ERG: variants seen among roughly 807,000 people sequenced by gnomAD.
The protein encoded by ERG is ETS transcription factor ERG.
ERG carries 9 observed loss-of-function variants against 55.3 expected under a neutral mutation model. That is an observed-to-expected ratio of 0.16 (90% CI 0.10 to 0.28). ERG has a LOEUF of 0.28. Among genes scored for constraint, ERG ranks in the 10% least tolerant of loss-of-function variants. ERG has a pLI of 1.00. For synonymous variants in ERG, 223 were observed against 237.3 expected (o/e 0.94, Z 0.55); for missense variants, 434 against 631.6 (o/e 0.69, Z 3.35).
At chr21:38,444,233 G>C (rs1168337737) in intron 2 of ERG, among the ~76,000 whole-genome samples, 1 of 152,204 alleles carries the variant, frequency 6.6e-6, no homozygotes, top group Non-Finnish European at 1.5e-5. Flanking sequence ...AAAATGCTCA[G>C]GGTGTGGAGT....
intron 3 of ERG, among the ~76,000 whole-genome samples, chr21:38,405,199 CATTT>C (rs1206021639): frequency 6.6e-6 from 1 of 152,086 alleles, no homozygotes; most frequent in Non-Finnish European, 1.5e-5. Context: ...ATATTTTTAC[CATTT>C]AAACTACATA....
intron 2 of ERG, among the ~76,000 whole-genome samples, chr21:38,526,709 G>A (rs1686867926): frequency 6.6e-6 from 1 of 152,064 alleles, no homozygotes; most frequent in Admixed American, 6.6e-5. Context: ...GGGTCAGGAA[G>A]GTTTTAATTT....
Position 38,381,996 on chromosome 21 carries a change from A to T in ERG, c.*1407T>A, listed in dbSNP as rs1278516614. 9.4e-7 allele frequency: 1 copy of T among 1,060,034 alleles called. No individual in the cohort carries two copies. Among genetic ancestry groups the T allele is most frequent in the Non-Finnish European group, 1.1e-6 (1 of 875,692 alleles). The allele number at this position is 1,060,034 out of a possible 1,614,324, so 65.7% of individuals were successfully genotyped here. ...TTTTCATTAAGCAACTTTAGTCACT[A>T]AAAAAAGTGCAAATGCAGACTCCTG... On this transcript the variant is annotated 3_prime_UTR_variant, in exon 10 of 10. Coordinates refer to ENST00000288319, the MANE Select transcript of ERG (RefSeq NM_182918.4).
intron 1 of ERG, among the ~76,000 whole-genome samples, chr21:38,485,324 C>T (rs1053238863): frequency 2.6e-5 from 4 of 151,784 alleles, no homozygotes; most frequent in Admixed American, 6.6e-5. Flanking sequence ...AACTGAACCA[C>T]ATATTTGTGT....
intron 1 of ERG, among the ~76,000 whole-genome samples, chr21:38,632,994 G>C (rs1017719528): frequency 1.3e-5 from 2 of 152,120 alleles, no homozygotes; most frequent in Non-Finnish European, 2.9e-5. Context: ...GTCCATGGAT[G>C]GATGAATAAA....
intron 6 of ERG, among the ~76,000 whole-genome samples, chr21:38,394,554 C>T (rs1235579955): frequency 6.6e-6 from 1 of 152,032 alleles, no homozygotes; most frequent in African/African-American, 2.4e-5. Context: ...GGGTCTCATG[C>T]TGTTAGCCAG....
chr21:38,635,942 A>G (rs982430989), intron 1 of ERG, among the ~76,000 whole-genome samples: 3 of 152,150 alleles, frequency 2.0e-5, no homozygotes, highest in African/African-American at 7.2e-5. Context: ...CCCATACAAG[A>G]TGATATGGTT....
chr21:38,652,335 A>C (rs2060493127), intron 1 of ERG, among the ~76,000 whole-genome samples: 1 of 152,090 alleles, frequency 6.6e-6, no homozygotes, highest in Non-Finnish European at 1.5e-5. Context: ...TGATCTTCCT[A>C]TGGAATGGTG....
At position 38,380,153 on chromosome 21, in the gene ERG, TC is replaced by T; in HGVS notation, c.*3249del. The stretch of plus-strand genomic sequence containing the variant: ...TTTAAAAAATATTTTCTTCTCTTTC[TC>T]CAGGCAATGGGTCACTTTGGGGCGC... On this transcript the variant is annotated 3_prime_UTR_variant, in exon 10 of 10. Transcript: ENST00000288319. The T allele has an allele frequency of 9.6e-7, 1 of 1,042,760 alleles. No individual in the cohort carries two copies. The highest frequency in any genetic ancestry group is 1.2e-6 in the Non-Finnish European group (1 of 865,186). The allele number at this position is 1,042,760 out of a possible 1,614,324, so 64.6% of individuals were successfully genotyped here. A position where few individuals can be genotyped will look rare whatever the true frequency, so the allele number is the denominator to read the frequency against.
chr21:38,475,922 G>A (rs1359583956), intron 1 of ERG, among the ~76,000 whole-genome samples: 1 of 152,156 alleles, frequency 6.6e-6, no homozygotes, highest in Non-Finnish European at 1.5e-5. Context: ...ATCCCAAAGG[G>A]ATAAAAAGAC....
chr21:38,534,139 T>G (rs971997773), intron 2 of ERG, among the ~76,000 whole-genome samples: 1 of 152,146 alleles, frequency 6.6e-6, no homozygotes, highest in African/African-American at 2.4e-5. Context: ...CTCAAGTATT[T>G]CCGAAGACAG....
chr21:38,380,851 AAG>A lies in ERG; in HGVS notation c.*2550_*2551del. ...TGATCTTGCTCATGAGACAGTCTTG[AAG>A]AGAGAACTGAGTGATTATCCAAGTA... is the stretch of plus-strand genomic sequence containing the variant. On this transcript the variant is annotated 3_prime_UTR_variant, in exon 10 of 10. Coordinates refer to ENST00000288319, the MANE Select transcript of ERG (RefSeq NM_182918.4). 9.4e-7 allele frequency: 1 copy of A among 1,065,254 alleles called. No homozygotes were observed. The highest frequency in any genetic ancestry group is 1.1e-6 in the Non-Finnish European group (1 of 879,248). 66.0% of individuals were successfully genotyped at this position (1,065,254 alleles called of 1,614,324 possible). A position where few individuals can be genotyped will look rare whatever the true frequency, so the allele number is the denominator to read the frequency against.
chr21:38,576,668 G>C (rs1000211611), intron 1 of ERG, among the ~76,000 whole-genome samples: 1 of 152,078 alleles, frequency 6.6e-6, no homozygotes. Flanking sequence ...ACAGGCCCCA[G>C]GGCTGACCTC....
At chr21:38,446,600 A>AT (rs2058894748) in intron 1 of ERG, among the ~76,000 whole-genome samples, 1 of 152,210 alleles carries the variant, frequency 6.6e-6, no homozygotes, top group Admixed American at 6.5e-5. Context: ...ATGAATGCTC[A>AT]TTTTTATATT....
At chr21:38,661,487 T>C (rs1262627403) in intron 1 of ERG, among the ~76,000 whole-genome samples, 1 of 152,162 alleles carries the variant, frequency 6.6e-6, no homozygotes, top group African/African-American at 2.4e-5. Context: ...CGGCCTGGTC[T>C]GACCGACGCA....
intron 2 of ERG, among the ~76,000 whole-genome samples, chr21:38,574,590 A>G (rs899855813): frequency 6.6e-6 from 1 of 152,248 alleles, no homozygotes; most frequent in Non-Finnish European, 1.5e-5. Context: ...ATGCCTCACC[A>G]AATGTATTGT....
chr21:38,455,900 C>T (rs2058984860), intron 1 of ERG, among the ~76,000 whole-genome samples: 1 of 149,088 alleles, frequency 6.7e-6, no homozygotes, highest in South Asian at 2.2e-4. Context: ...GTGTGTCACA[C>T]CAGGTTCAAC....
At chr21:38,652,529 C>T (rs1165625872) in intron 1 of ERG, among the ~76,000 whole-genome samples, 1 of 152,188 alleles carries the variant, frequency 6.6e-6, no homozygotes, top group Non-Finnish European at 1.5e-5. Flanking sequence ...TAAACTCGAG[C>T]TAGGAATGCA....
intron 6 of ERG, among the ~76,000 whole-genome samples, chr21:38,394,643 C>T (rs867101564): frequency 1.2e-4 from 19 of 152,282 alleles, no homozygotes; most frequent in Middle Eastern, 6.8e-3. Context: ...TGAGCCACCG[C>T]GCCTGGCCTC....
Sources: allele counts gnomAD v4.1 joint callset (sites outside exome capture counted in the v4.1 genomes callset), GRCh38; gene constraint gnomAD v4.1.1; transcripts MANE v1.5; gene names NCBI Gene and HGNC (gene_info 2026-07-23, HGNC 2026-07-21).